Variants in HDAC4 observed in about 807,000 individuals in gnomAD.
HDAC4 encodes histone deacetylase 4.
Under a neutral mutation model 135.1 loss-of-function variants are expected in HDAC4, and 16 were observed. The ratio of observed to expected loss-of-function variants is 0.12; its 90% CI spans 0.08 to 0.18. The LOEUF is 0.18. Ranked by LOEUF, HDAC4 falls within the 10% of genes least tolerant of loss-of-function variation. The probability of loss-of-function intolerance (pLI) is 1.00; values close to 1 mark genes in which losing one functional copy is unlikely to be tolerated. For missense variants in HDAC4, 1,143 were observed against 1,511.8 expected (o/e 0.76, Z 4.05); for synonymous variants, 685 against 653.4 (o/e 1.05, Z -0.74).
intron 11 of HDAC4, among the ~76,000 whole-genome samples, chr2:239,131,649 A>C (rs1397083830): frequency 6.6e-6 from 1 of 152,046 alleles, no homozygotes; most frequent in Non-Finnish European, 1.5e-5. Flanking sequence ...GCTGTACCGG[A>C]CTAGGGAAGA....
chr2:239,267,036 G>A (rs759144256), intron 2 of HDAC4, among the ~76,000 whole-genome samples: 8 of 152,174 alleles, frequency 5.3e-5, no homozygotes, highest in Non-Finnish European at 1.0e-4. Context: ...GGTGCTCACA[G>A]CTGTGCAGAG....
intron 12 of HDAC4, among the ~76,000 whole-genome samples, chr2:239,117,451 C>T (rs1473414558): frequency 2.6e-5 from 4 of 151,800 alleles, no homozygotes; most frequent in East Asian, 1.9e-4. Flanking sequence ...ACAACTCCTT[C>T]GTTTTGGGCA....
In HDAC4 at chr2:239,103,447, G is replaced by T. The variant is rs139675557; in HGVS notation, c.2113-551C>A. On this transcript the variant is annotated intron_variant, in intron 15 of 26. Transcript: ENST00000543185. ...AGATTGAGATCCCTGGGCTAATTCA[G>T]ATTTTCTCCAGAAATTCACAGGAAA... is the stretch of plus-strand genomic sequence containing the variant. 7.0e-3 allele frequency among the ~76,000 whole-genome samples: 1,059 copies of T among 152,336 alleles called. 10 individuals are homozygous for T. Among genetic ancestry groups the T allele is most frequent in the Non-Finnish European group, 0.01 (689 of 68,018 alleles).
intron 3 of HDAC4, among the ~76,000 whole-genome samples, chr2:239,215,404 G>T (rs1403651149): frequency 6.6e-6 from 1 of 152,116 alleles, no homozygotes; most frequent in South Asian, 2.1e-4. Flanking sequence ...GAGAAGCAGG[G>T]TCGACGCCCC....
intron 2 of HDAC4, among the ~76,000 whole-genome samples, chr2:239,280,558 A>G (rs2050647055): frequency 6.6e-6 from 1 of 152,168 alleles, no homozygotes; most frequent in African/African-American, 2.4e-5. Context: ...AGCAACTTAA[A>G]AAGGGTAAGG....
chr2:239,165,770 C>G (rs1371846173), intron 5 of HDAC4, among the ~76,000 whole-genome samples: 1 of 152,192 alleles, frequency 6.6e-6, no homozygotes, highest in East Asian at 1.9e-4. Flanking sequence ...TTTCCTTTTA[C>G]AATTTGGGTA....
chr2:239,135,214 A>G (rs574913567), intron 9 of HDAC4, among the ~76,000 whole-genome samples: 12 of 152,378 alleles, frequency 7.9e-5, no homozygotes, highest in Non-Finnish European at 1.3e-4. Context: ...AAAACATCTC[A>G]TGTACCCCAC....
chr2:239,277,067 C>T (rs1377001152), intron 2 of HDAC4, among the ~76,000 whole-genome samples: 4 of 149,474 alleles, frequency 2.7e-5, no homozygotes, highest in African/African-American at 5.0e-5. Context: ...GGACTCTGCA[C>T]GGCACTAATA....
At chr2:239,300,720 GC>G (rs2052201006) in intron 2 of HDAC4, among the ~76,000 whole-genome samples, 1 of 152,218 alleles carries the variant, frequency 6.6e-6, no homozygotes, top group Admixed American at 6.5e-5. Context: ...AACCCCAGGA[GC>G]TGTAAAAACA....
intron 3 of HDAC4, among the ~76,000 whole-genome samples, chr2:239,208,214 C>T (rs2046157871): frequency 1.3e-5 from 2 of 150,502 alleles, no homozygotes; most frequent in African/African-American, 4.9e-5. Flanking sequence ...GTAGTCCCAG[C>T]TACTCCGGAG....
intron 3 of HDAC4, chr2:239,190,851 G>A (rs189224680): frequency 1.2e-5 from 5 of 413,122 alleles, no homozygotes; most frequent in African/African-American, 1.0e-4. Flanking sequence ...AATACCAAAT[G>A]AAAGTGAGAA....
At chr2:239,343,976 A>C (rs1692460193) in intron 2 of HDAC4, among the ~76,000 whole-genome samples, 1 of 152,236 alleles carries the variant, frequency 6.6e-6, no homozygotes, top group African/African-American at 2.4e-5. Context: ...AACTCAGAAC[A>C]AACCTGCTGT....
At chr2:239,107,909 A>G in intron 15 of HDAC4, 141 bp downstream of exon 15, 1 of 1,030,664 alleles carries the variant, frequency 9.7e-7, no homozygotes, top group Admixed American at 1.9e-5. Context: ...CAGACAGTGA[A>G]GATGCTTGTG....
intron 2 of HDAC4, among the ~76,000 whole-genome samples, chr2:239,322,101 A>T (rs1277562801): frequency 6.6e-6 from 1 of 152,234 alleles, no homozygotes; most frequent in African/African-American, 2.4e-5. Context: ...GTTACACCCT[A>T]TGTAAATGAA....
intron 23 of HDAC4, among the ~76,000 whole-genome samples, chr2:239,067,432 G>A (rs982318067): frequency 4.6e-5 from 7 of 152,198 alleles, no homozygotes; most frequent in Admixed American, 2.0e-4. Flanking sequence ...CCGGAACCAC[G>A]CGCCGCTAAT....
chr2:239,064,559 G>A (rs1220150458), intron 24 of HDAC4, among the ~76,000 whole-genome samples: 1 of 152,194 alleles, frequency 6.6e-6, no homozygotes, highest in Non-Finnish European at 1.5e-5. Flanking sequence ...TGGGGGTCTT[G>A]ACTGCTCACA....
At chr2:239,163,348 A>C (rs2042928842) in intron 6 of HDAC4, among the ~76,000 whole-genome samples, 1 of 152,178 alleles carries the variant, frequency 6.6e-6, no homozygotes. Context: ...CAACATTACC[A>C]AGAGTAACGA....
intron 22 of HDAC4, among the ~76,000 whole-genome samples, chr2:239,078,991 C>T (rs1266887780): frequency 6.6e-6 from 1 of 152,222 alleles, no homozygotes; most frequent in East Asian, 1.9e-4. Context: ...CGGGTGGCAC[C>T]AGTGTTCACT....
At chr2:239,137,368 C>G (rs1025708295) in intron 9 of HDAC4, among the ~76,000 whole-genome samples, 4 of 152,220 alleles carry the variant, frequency 2.6e-5, no homozygotes, top group Non-Finnish European at 5.9e-5. Context: ...GAGCTGTCCC[C>G]TTACGCACCT....
Sources: gnomAD v4.1 joint callset for allele counts (sites outside exome capture counted in the v4.1 genomes callset) on GRCh38, gnomAD v4.1.1 for gene constraint, MANE v1.5 for transcripts, NCBI Gene and HGNC (gene_info 2026-07-23, HGNC 2026-07-21) for gene names.